Variants in SLC7A14 observed in about 807,000 individuals in gnomAD.
SLC7A14 encodes solute carrier family 7 member 14.
Under a neutral mutation model 60.2 loss-of-function variants are expected in SLC7A14, and 37 were observed. That is an observed-to-expected ratio of 0.61 (90% CI 0.47 to 0.81). SLC7A14 has a LOEUF of 0.81. Among genes scored for constraint, SLC7A14 ranks in the 30% least tolerant of loss-of-function variants. The pLI, the probability that SLC7A14 is intolerant of heterozygous loss-of-function variation, is 0.00. For missense variants in SLC7A14, 886 were observed against 982.7 expected, an observed-to-expected ratio of 0.90 and a Z score of 1.32; for synonymous variants, 399 against 395.8, an observed-to-expected ratio of 1.01 and a Z score of -0.10.
chr3:170,561,992 T>C (rs563537508), intron 1 of SLC7A14, among the ~76,000 whole-genome samples: 2 of 152,186 alleles, frequency 1.3e-5, no homozygotes, highest in East Asian at 1.9e-4. Context: ...AAAAATATAA[T>C]AGATGTTGGC....
chr3:170,543,436 G>A (rs1207014929), intron 1 of SLC7A14, among the ~76,000 whole-genome samples: 1 of 152,038 alleles, frequency 6.6e-6, no homozygotes, highest in Non-Finnish European at 1.5e-5. Flanking sequence ...GGTCACCTGA[G>A]GTTGGGAGTT....
At chr3:170,538,056 C>A (rs562409166) in intron 1 of SLC7A14, among the ~76,000 whole-genome samples, 3 of 152,272 alleles carry the variant, frequency 2.0e-5, no homozygotes, top group African/African-American at 7.2e-5. Flanking sequence ...TCTGGAGAAG[C>A]CCAATTCTAG....
At chr3:170,571,651 T>C (rs927935636) in intron 1 of SLC7A14, among the ~76,000 whole-genome samples, 5 of 152,234 alleles carry the variant, frequency 3.3e-5, no homozygotes, top group African/African-American at 1.2e-4. Context: ...TGCTTCCTAG[T>C]CTGTTTTTCT....
intron 4 of SLC7A14, among the ~76,000 whole-genome samples, chr3:170,492,460 G>A (rs1365208478): frequency 6.6e-6 from 1 of 152,064 alleles, no homozygotes; most frequent in African/African-American, 2.4e-5. Context: ...AGCTGTGATC[G>A]CACCACTGCA....
chr3:170,580,953 A>G (rs577544934), intron 1 of SLC7A14, among the ~76,000 whole-genome samples: 5 of 152,324 alleles, frequency 3.3e-5, no homozygotes, highest in African/African-American at 4.8e-5. Flanking sequence ...TGCATCTGAA[A>G]AGCAGTTTTA....
intron 7 of SLC7A14, among the ~76,000 whole-genome samples, chr3:170,468,075 G>A (rs1739772540): frequency 6.6e-6 from 1 of 151,992 alleles, no homozygotes; most frequent in African/African-American, 2.4e-5. Flanking sequence ...GCACAGGGTC[G>A]TAGACTCTGC....
chr3:170,553,612 G>C (rs1303435988), intron 1 of SLC7A14, among the ~76,000 whole-genome samples: 1 of 152,214 alleles, frequency 6.6e-6, no homozygotes, highest in Non-Finnish European at 1.5e-5. Flanking sequence ...GATGTTCAAG[G>C]ATGATGGAAA....
chr3:170,498,383 G>A (rs1162749731), intron 4 of SLC7A14, among the ~76,000 whole-genome samples: 6 of 152,082 alleles, frequency 3.9e-5, no homozygotes. Flanking sequence ...TACGTGCAAA[G>A]ACACTTAGCA....
intron 1 of SLC7A14, among the ~76,000 whole-genome samples, chr3:170,529,116 GC>G (rs1560270571): frequency 6.6e-6 from 1 of 152,100 alleles, no homozygotes; most frequent in African/African-American, 2.4e-5. Context: ...CACAAACATC[GC>G]ATATCTATTG....
intron 2 of SLC7A14, among the ~76,000 whole-genome samples, chr3:170,515,867 A>G (rs1300720778): frequency 6.6e-6 from 1 of 152,134 alleles, no homozygotes. Context: ...CTCTTGCAGC[A>G]CTCACAATTA....
chr3:170,565,852 A>G lies in SLC7A14; in HGVS notation c.-153+20059T>C, dbSNP rs563171160. 2.6e-5 allele frequency among the ~76,000 whole-genome samples: 4 copies of G among 152,270 alleles called. No homozygotes were observed. The East Asian group carries it at 7.7e-4, about 29-fold the overall frequency. The stretch of plus-strand genomic sequence containing the variant: ...TGGAAGAGGGGGAAAATACTGCATC[A>G]GAAGAGTAATGGAAAAAAACAAGAA... On this transcript the variant is annotated intron_variant, in intron 1 of 7. Transcript: ENST00000231706.
At chr3:170,562,158 A>G (rs750268211) in intron 1 of SLC7A14, among the ~76,000 whole-genome samples, 1 of 152,188 alleles carries the variant, frequency 6.6e-6, no homozygotes, top group Non-Finnish European at 1.5e-5. Context: ...CCAGAGGAAT[A>G]AAAGTCATTA....
chr3:170,541,767 G>T (rs1193889339), intron 1 of SLC7A14, among the ~76,000 whole-genome samples: 1 of 152,160 alleles, frequency 6.6e-6, no homozygotes, highest in Non-Finnish European at 1.5e-5. Flanking sequence ...TTAGATTGGT[G>T]CAAGAGTAAT....
At position 170,460,216 on chromosome 3, in the gene SLC7A14, G is replaced by A. The variant is rs1030333956; in HGVS notation, c.*6839C>T. 1 of 152,048 alleles carries A rather than the reference G, an allele frequency of 6.6e-6. No homozygotes were observed. Among genetic ancestry groups the A allele is most frequent in the Non-Finnish European group, 1.5e-5 (1 of 68,018 alleles). The allele number at this position is 152,048 out of a possible 1,614,324, so 9.4% of individuals were successfully genotyped here. A position where few individuals can be genotyped will look rare whatever the true frequency, so the allele number is the denominator to read the frequency against. On this transcript the variant is annotated 3_prime_UTR_variant, in exon 8 of 8. Coordinates refer to ENST00000231706, the MANE Select transcript of SLC7A14 (RefSeq NM_020949.3). Reference sequence around the variant, plus strand: ...AAGTTGTACTTCTCAAGGACGAAACGAAAAAGAAACAAGTTAGTAAAATTT... The same window carrying A: ...AAGTTGTACTTCTCAAGGACGAAACAAAAAAGAAACAAGTTAGTAAAATTT...
At chr3:170,578,876 G>A (rs573806782) in intron 1 of SLC7A14, among the ~76,000 whole-genome samples, 1 of 152,132 alleles carries the variant, frequency 6.6e-6, no homozygotes, top group Non-Finnish European at 1.5e-5. Context: ...AGATTAAAAA[G>A]TAAGAAGAGT....
chr3:170,505,839 G>A (rs1019653909), intron 2 of SLC7A14, among the ~76,000 whole-genome samples: 1 of 151,684 alleles, frequency 6.6e-6, no homozygotes, highest in African/African-American at 2.4e-5. Flanking sequence ...AGTGAAGTGA[G>A]ATTATGCCAC....
intron 5 of SLC7A14, 51 bp from the exon 6 acceptor site, chr3:170,483,573 G>A: frequency 2.5e-6 from 4 of 1,596,248 alleles, no homozygotes; most frequent in Non-Finnish European, 1.7e-6. Context: ...AGAACAGCAT[G>A]GATAGAGGCC....
Position 170,480,887 on chromosome 3 carries a change from A to T in SLC7A14, c.1395T>A (p.Ser465=), listed in dbSNP as rs749963183. 6.2e-7 allele frequency: 1 copy of T among 1,614,054 alleles called. No individual in the cohort carries two copies. The highest frequency in any genetic ancestry group is 1.1e-5 in the South Asian group (1 of 91,060). The change falls in exon 7 of 8, where the codon TCT becomes TCA. Residue 465 remains serine, a synonymous_variant. Transcript: ENST00000231706. ...AAAACTCATCCCCCTCACTCACAGG[A>T]GAACAAGCTTCCTTCTCACAGTCAG... ...ILADCEKEAC[S]PVSEGDEFSG... is the part of the protein sequence containing the mutation.
intron 1 of SLC7A14, among the ~76,000 whole-genome samples, chr3:170,544,547 T>C (rs1714122053): frequency 6.6e-6 from 1 of 152,222 alleles, no homozygotes. Flanking sequence ...TGATTTATGA[T>C]AAGGTACCTG....
Sources: gnomAD v4.1 joint callset for allele counts (sites outside exome capture counted in the v4.1 genomes callset) on GRCh38, gnomAD v4.1.1 for gene constraint, MANE v1.5 for transcripts, NCBI Gene and HGNC (gene_info 2026-07-23, HGNC 2026-07-21) for gene names.